The following SLC44A1 variants were observed in gnomAD, a reference collection of about 807,000 sequenced individuals.
SLC44A1 encodes solute carrier family 44 member 1, also known as choline transporter-like protein 1.
SLC44A1 carries 26 observed loss-of-function variants against 79.3 expected under a neutral mutation model. The observed-to-expected ratio is 0.33, with a 90% confidence interval of 0.24 to 0.46. The LOEUF (loss-of-function observed/expected upper bound fraction) is 0.46, where lower values mean the gene tolerates loss of function less well. Among genes scored for constraint, SLC44A1 ranks in the 20% least tolerant of loss-of-function variants. SLC44A1 has a pLI of 1.00. For missense variants in SLC44A1, 688 were observed against 798.1 expected, an observed-to-expected ratio of 0.86 and a Z score of 1.66; for synonymous variants, 263 against 286.2, an observed-to-expected ratio of 0.92 and a Z score of 0.82.
chr9:105,414,715 T>C (rs1244060749), intron 15 of SLC44A1, among the ~76,000 whole-genome samples: 3 of 152,154 alleles, frequency 2.0e-5, no homozygotes, highest in Non-Finnish European at 4.4e-5. Flanking sequence ...GAAGATCTCT[T>C]GAGCCCAGGA....
Position 105,389,728 on chromosome 9 carries a change from T to C in SLC44A1, c.*672T>C. 1 of 1,280,812 alleles carries C rather than the reference T, an allele frequency of 7.8e-7. No homozygotes were observed. Among genetic ancestry groups the C allele is most frequent in the Admixed American group, 3.9e-5 (1 of 25,496 alleles). 79.3% of individuals were successfully genotyped at this position (1,280,812 alleles called of 1,614,324 possible). The stretch of plus-strand genomic sequence containing the variant: ...ACCCTAACGCTTCTTTAAAAGAAAG[T>C]AGGTAAAAAAAGAAAAGGGTAGATA... On this transcript the variant is annotated 3_prime_UTR_variant, in exon 16 of 16. Coordinates refer to ENST00000374720, the MANE Select transcript of SLC44A1 (RefSeq NM_080546.5).
downstream of SLC44A1, among the ~76,000 whole-genome samples, chr9:105,398,595 AC>A (rs1769876160): frequency 6.6e-6 from 1 of 152,168 alleles, no homozygotes; most frequent in African/African-American, 2.4e-5. Context: ...TCTGTATTTA[AC>A]CTCAAATTGA....
At chr9:105,411,550 G>C (rs1050743424) in intron 15 of SLC44A1, among the ~76,000 whole-genome samples, 2 of 146,314 alleles carry the variant, frequency 1.4e-5, no homozygotes, top group Middle Eastern at 3.4e-3. Context: ...ATGGAAAAAA[G>C]CTTTTTTTTT....
chr9:105,252,589 A>G (rs7873924), intron 1 of SLC44A1, among the ~76,000 whole-genome samples: 8,429 of 152,292 alleles, frequency 0.055, 753 homozygotes, highest in African/African-American at 0.19. Context: ...CAAGGTGGAC[A>G]GGAAAGGGCT....
intron 15 of SLC44A1, among the ~76,000 whole-genome samples, chr9:105,405,242 A>G (rs1222998958): frequency 6.6e-6 from 1 of 151,852 alleles, no homozygotes; most frequent in East Asian, 1.9e-4. Flanking sequence ...AATCTCTTGA[A>G]TCGGGGAGGC....
rs185668464 is a variant in SLC44A1 at position 105,255,106 on chromosome 9, T to G, written c.36+10202T>G. On this transcript the variant is annotated intron_variant, in intron 1 of 15. Transcript: ENST00000374720. ...GCTTACTTTCAGGTTTTTTTGTTTT[T>G]TTTTTTTTTTAATAATTAAACTGAA... Among the ~76,000 whole-genome samples the G allele has an allele frequency of 1.6e-3, 247 of 151,442 alleles. 1 individual carries two copies. The highest frequency in any genetic ancestry group is 5.7e-3 in the African/African-American group (236 of 41,250).
chr9:105,412,958 G>GTGT (rs1292198582), intron 15 of SLC44A1, among the ~76,000 whole-genome samples: 1 of 152,134 alleles, frequency 6.6e-6, no homozygotes, highest in Non-Finnish European at 1.5e-5. Flanking sequence ...ATGAATGAGA[G>GTGT]TGTTTTCAGA....
intron 15 of SLC44A1, among the ~76,000 whole-genome samples, chr9:105,433,655 A>G (rs935148454): frequency 2.7e-5 from 4 of 150,688 alleles, no homozygotes; most frequent in Admixed American, 6.6e-5. Flanking sequence ...CCACTGCCCA[A>G]CCCATCTCCT....
At chr9:105,326,350 C>T (rs917863999) in intron 3 of SLC44A1, among the ~76,000 whole-genome samples, 9 of 152,200 alleles carry the variant, frequency 5.9e-5, no homozygotes, top group African/African-American at 2.2e-4. Flanking sequence ...GGATTACAGA[C>T]AAGAGCTAAT....
At position 105,312,089 on chromosome 9, in the gene SLC44A1, C is replaced by T. The variant is rs189119384; in HGVS notation, c.269+2223C>T. On this transcript the variant is annotated intron_variant, in intron 3 of 15. Transcript: ENST00000374720. ...CTTTCTCCTGTTCCTTACTGTCAGC[C>T]GCTAGTACAGTAGCTGGTCTTACTA... 1.5e-4 allele frequency among the ~76,000 whole-genome samples: 23 copies of T among 152,256 alleles called. 1 individual carries two copies. The East Asian group carries it at 3.7e-3, about 24-fold the overall frequency.
At chr9:105,314,044 G>A (rs934077473) in intron 3 of SLC44A1, among the ~76,000 whole-genome samples, 8 of 152,240 alleles carry the variant, frequency 5.3e-5, no homozygotes, top group Admixed American at 3.3e-4. Context: ...GATTACAGGC[G>A]TGCACGACTG....
intron 1 of SLC44A1, among the ~76,000 whole-genome samples, chr9:105,267,790 C>G (rs566575112): frequency 1.3e-5 from 2 of 151,956 alleles, no homozygotes; most frequent in Non-Finnish European, 2.9e-5. Flanking sequence ...TATTTAGGAA[C>G]GGGGCCCTAA....
chr9:105,425,409 A>G (rs1338815367), intron 15 of SLC44A1, among the ~76,000 whole-genome samples: 1 of 152,212 alleles, frequency 6.6e-6, no homozygotes, highest in East Asian at 1.9e-4. Context: ...TATGAGAGAA[A>G]ATAATAGAGG....
intron 15 of SLC44A1, among the ~76,000 whole-genome samples, chr9:105,409,390 A>T (rs1488024341): frequency 1.3e-5 from 2 of 152,250 alleles, no homozygotes; most frequent in Admixed American, 1.3e-4. Context: ...TATAGCAATT[A>T]TAAACATATG....
chr9:105,260,461 C>T (rs7035129), intron 1 of SLC44A1, among the ~76,000 whole-genome samples: 1,750 of 152,288 alleles, frequency 0.011, 32 homozygotes, highest in African/African-American at 0.04. Context: ...CCAGAAGCAA[C>T]AATAAGGTTG....
chr9:105,426,575 T>A (rs7042977), intron 15 of SLC44A1, among the ~76,000 whole-genome samples: 12,729 of 152,188 alleles, frequency 0.084, 1,749 homozygotes, highest in African/African-American at 0.29. Context: ...TTTATATACA[T>A]TACCTCATTT....
chr9:105,403,452 C>G (rs565905353), intron 15 of SLC44A1, among the ~76,000 whole-genome samples: 1 of 152,092 alleles, frequency 6.6e-6, no homozygotes, highest in African/African-American at 2.4e-5. Flanking sequence ...TTATTTAGAT[C>G]TGTTTCTACT....
At chr9:105,302,331 A>G (rs903685006) in intron 2 of SLC44A1, among the ~76,000 whole-genome samples, 1 of 152,050 alleles carries the variant, frequency 6.6e-6, no homozygotes, top group South Asian at 2.1e-4. Flanking sequence ...GTACATTGGA[A>G]TTAGCTGGGA....
chr9:105,327,177 C>T (rs1042405095), intron 3 of SLC44A1, among the ~76,000 whole-genome samples: 1 of 152,140 alleles, frequency 6.6e-6, no homozygotes, highest in African/African-American at 2.4e-5. Flanking sequence ...ATTTAGTAGC[C>T]TCCTGGCCAG....
Sources: allele counts gnomAD v4.1 joint callset (sites outside exome capture counted in the v4.1 genomes callset), GRCh38; gene constraint gnomAD v4.1.1; transcripts MANE v1.5; gene names NCBI Gene and HGNC (gene_info 2026-07-23, HGNC 2026-07-21).